Variants in HOGA1 observed in about 807,000 individuals in gnomAD.
HOGA1 encodes 4-hydroxy-2-oxoglutarate aldolase 1, also known as 4-hydroxy-2-oxoglutarate aldolase, mitochondrial.
HOGA1 carries 30 observed loss-of-function variants against 34.3 expected under a neutral mutation model. The ratio of observed to expected loss-of-function variants is 0.87; its 90% CI spans 0.65 to 1.19. The LOEUF (loss-of-function observed/expected upper bound fraction) is 1.19. Among genes scored for constraint, HOGA1 ranks in the 50% most tolerant of loss-of-function variants. HOGA1 has a pLI of 0.00. For missense variants in HOGA1, 417 were observed against 436.5 expected (o/e 0.96, Z 0.40); for synonymous variants, 161 against 174.0 (o/e 0.93, Z 0.59).
At chr10:97,608,128 A>G (rs1374727185) in intron 6 of HOGA1, among the ~76,000 whole-genome samples, 1 of 151,908 alleles carries the variant, frequency 6.6e-6, no homozygotes, top group African/African-American at 2.4e-5. Context: ...TGGGCAATAG[A>G]GTGAGATTTT....
intron 6 of HOGA1, among the ~76,000 whole-genome samples, chr10:97,608,544 C>T (rs1487304502): frequency 3.9e-5 from 6 of 152,098 alleles, no homozygotes; most frequent in Non-Finnish European, 8.8e-5. Context: ...GTGGCTCACG[C>T]CTGTAATCCC....
chr10:97,596,794 T>C (rs1486143861), intron 1 of HOGA1, among the ~76,000 whole-genome samples: 3 of 151,428 alleles, frequency 2.0e-5, no homozygotes, highest in South Asian at 2.1e-4. Flanking sequence ...GACGGTGTAG[T>C]GAACAGCATG....
At chr10:97,596,708 C>CAAAAAAAAAAAAAAAAAAACAACA (rs34186645) in intron 1 of HOGA1, among the ~76,000 whole-genome samples, 1 of 89,350 alleles carries the variant, frequency 1.1e-5, no homozygotes. Context: ...AAATAACTAC[C>CAAAAAAAAAAAAAAAAAAACAACA]AAAAAAAAAA....
At chr10:97,601,799 C>T (rs1268910879) in intron 5 of HOGA1, 58 bp from the exon 6 acceptor site, 2 of 1,607,534 alleles carry the variant, frequency 1.2e-6, no homozygotes, top group Non-Finnish European at 1.7e-6. Context: ...GGGACCAGGG[C>T]TTGGGATGCC....
rs2040949773 is a variant in HOGA1 at position 97,584,464 on chromosome 10, G to A, written c.-240G>A. 2.0e-6 allele frequency: 1 copy of A among 510,698 alleles called. No individual in the cohort carries two copies. The highest frequency in any genetic ancestry group is 3.4e-5 in the Admixed American group (1 of 29,094). The allele number at this position is 510,698 out of a possible 1,614,324, so 31.6% of individuals were successfully genotyped here. On this transcript the variant is annotated 5_prime_UTR_variant, in exon 1 of 7. Transcript: ENST00000370646. ...GAAACCAGTCCTATATCTGGCCAGA[G>A]GGACACTGGGTTGTGGCATCTCTCT... is the stretch of plus-strand genomic sequence containing the variant.
rs374742294 is a variant in HOGA1, at chr10:97,604,148, C to G, written c.834+2158C>G. On this transcript the variant is annotated intron_variant, in intron 6 of 6. Transcript: ENST00000370646. The stretch of plus-strand genomic sequence containing the variant: ...TACATTCACCATTTTATAATTTTGT[C>G]AGTTCAAGAGTATACTATATGGAAT... Among the ~76,000 whole-genome samples, 9 of 152,270 alleles carry G rather than the reference C, an allele frequency of 5.9e-5. No individual in the cohort carries two copies. In the East Asian group the frequency reaches 7.7e-4, roughly 13 times the overall value.
intron 5 of HOGA1, chr10:97,600,463 A>C (rs187274275): frequency 2.9e-4 from 139 of 475,372 alleles, no homozygotes; most frequent in African/African-American, 2.6e-3. Context: ...TAGCTGCTCT[A>C]ATCCCACCTT....
chr10:97,595,517 G>A (rs1203313925), intron 1 of HOGA1, among the ~76,000 whole-genome samples: 2 of 152,168 alleles, frequency 1.3e-5, no homozygotes, highest in Non-Finnish European at 2.9e-5. Flanking sequence ...CCAACATGGT[G>A]AAACCCTGTC....
intron 6 of HOGA1, among the ~76,000 whole-genome samples, chr10:97,607,043 C>T (rs1266004149): frequency 1.3e-5 from 2 of 149,218 alleles, no homozygotes; most frequent in East Asian, 3.9e-4. Context: ...ATAGAGACGG[C>T]AGTATTGCTT....
chr10:97,591,727 C>T (rs546324155), intron 1 of HOGA1, among the ~76,000 whole-genome samples: 12 of 151,800 alleles, frequency 7.9e-5, no homozygotes, highest in South Asian at 4.2e-4. Flanking sequence ...TGGGTTCGAG[C>T]GATCCTCCCA....
intron 1 of HOGA1, among the ~76,000 whole-genome samples, chr10:97,588,867 A>C (rs1201961791): frequency 6.6e-6 from 1 of 151,982 alleles, no homozygotes; most frequent in Non-Finnish European, 1.5e-5. Flanking sequence ...TAAATGGGCT[A>C]GATGCTTTTG....
chr10:97,610,929 G>A (rs2041190753), intron 6 of HOGA1, among the ~76,000 whole-genome samples: 1 of 152,226 alleles, frequency 6.6e-6, no homozygotes, highest in Non-Finnish European at 1.5e-5. Context: ...CTTACTCAGA[G>A]ATAATAAGTA....
chr10:97,591,902 G>A (rs1468351414), intron 1 of HOGA1, among the ~76,000 whole-genome samples: 2 of 147,476 alleles, frequency 1.4e-5, no homozygotes, highest in African/African-American at 2.5e-5. Flanking sequence ...ACAGTGGCGC[G>A]ATCTTGGCTC....
chr10:97,607,105 TAAAAAAA>T, intron 6 of HOGA1, among the ~76,000 whole-genome samples: 1 of 131,702 alleles, frequency 7.6e-6, no homozygotes, highest in South Asian at 2.5e-4. Context: ...CCCCATCTCT[TAAAAAAA>T]AAAAAAAAAA....
At chr10:97,593,002 C>T (rs2041038688) in intron 1 of HOGA1, among the ~76,000 whole-genome samples, 1 of 133,240 alleles carries the variant, frequency 7.5e-6, no homozygotes, top group Non-Finnish European at 1.6e-5. Context: ...TGCACTTTAG[C>T]CTGGGCGACA....
At chr10:97,592,301 T>C (rs955861538) in intron 1 of HOGA1, among the ~76,000 whole-genome samples, 4 of 144,764 alleles carry the variant, frequency 2.8e-5, no homozygotes, top group African/African-American at 1.0e-4. Context: ...AGTGCAGTGG[T>C]GCGATCTCGG....
Position 97,584,754 on chromosome 10 carries a change from C to T in HOGA1, c.51C>T (p.Ser17=), listed in dbSNP as rs746712236. Residue 17 remains serine, a synonymous_variant, in exon 1 of 7, where the codon AGC becomes AGT. Coordinates refer to ENST00000370646, the MANE Select transcript of HOGA1 (RefSeq NM_138413.4). ...CTGTGAGGCAGGGGCTAAGCAGGAG[C>T]TTGTCCAGGAATGTGGGGGTCTGGG... ...WSSVRQGLSR[S]LSRNVGVWAS... 14 of 1,612,880 alleles carry T rather than the reference C, an allele frequency of 8.7e-6. No individual in the cohort carries two copies. The African/African-American group carries it at 1.6e-4, about 18-fold the overall frequency.
intron 3 of HOGA1, 79 bp from the exon 4 acceptor site, chr10:97,599,601 C>G: frequency 6.3e-7 from 1 of 1,584,350 alleles, no homozygotes; most frequent in Non-Finnish European, 8.6e-7. Context: ...AGGCTGGGAC[C>G]TGTGGGTGGG....
intron 1 of HOGA1, among the ~76,000 whole-genome samples, chr10:97,588,497 A>G (rs2040990288): frequency 1.3e-5 from 2 of 152,208 alleles, no homozygotes; most frequent in Non-Finnish European, 1.5e-5. Flanking sequence ...CGTGAGCCAC[A>G]GCGCCCAGCC....
Sources: allele counts gnomAD v4.1 joint callset (sites outside exome capture counted in the v4.1 genomes callset), GRCh38; gene constraint gnomAD v4.1.1; transcripts MANE v1.5; gene names NCBI Gene and HGNC (gene_info 2026-07-23, HGNC 2026-07-21).